The following ABCC1 variants were observed in gnomAD, a reference collection of about 807,000 sequenced individuals.
ABCC1 encodes the protein multidrug resistance-associated protein 1.
Under a neutral mutation model 172.9 loss-of-function variants are expected in ABCC1, and 83 were observed. That is an observed-to-expected ratio of 0.48 (90% confidence interval 0.40 to 0.58). The LOEUF is 0.58. Ranked by LOEUF, ABCC1 falls within the 20% of genes least tolerant of loss-of-function variation. The probability of loss-of-function intolerance (pLI) is 0.00; values close to 1 mark genes in which losing one functional copy is unlikely to be tolerated. For synonymous variants in ABCC1, 937 were observed against 825.2 expected (o/e 1.14, Z -2.32); for missense variants, 1,817 against 2,002.7 (o/e 0.91, Z 1.77).
chr16:16,089,071 A>G (rs2051132168), intron 18 of ABCC1, among the ~76,000 whole-genome samples: 1 of 152,194 alleles, frequency 6.6e-6, no homozygotes, highest in African/African-American at 2.4e-5. Flanking sequence ...TGCCATGGCA[A>G]CTGTAAGATC....
chr16:16,035,311 T>A lies in ABCC1; in HGVS notation c.678-1161T>A, dbSNP rs537593560. 4.6e-5 allele frequency among the ~76,000 whole-genome samples: 7 copies of A among 152,004 alleles called. No homozygotes were observed. In the South Asian group the frequency reaches 1.5e-3, roughly 32 times the overall value. On this transcript the variant is annotated intron_variant, in intron 6 of 30. Coordinates refer to ENST00000399410, the MANE Select transcript of ABCC1 (RefSeq NM_004996.4). ...ACTTGGGAGGGTGAGGCAGGAGAAT[T>A]GCTAGAATACAGGAGGCAGAGGTTG... is the stretch of plus-strand genomic sequence containing the variant.
intron 22 of ABCC1, among the ~76,000 whole-genome samples, chr16:16,114,492 C>T (rs904346068): frequency 6.6e-6 from 1 of 152,076 alleles, no homozygotes; most frequent in African/African-American, 2.4e-5. Context: ...AGGCGCCAAC[C>T]ACCACGCCTG....
intron 3 of ABCC1, among the ~76,000 whole-genome samples, chr16:16,010,587 G>A (rs1193447145): frequency 6.6e-6 from 1 of 152,158 alleles, no homozygotes; most frequent in African/African-American, 2.4e-5. Context: ...GCTCTGTCCC[G>A]GGGGATACAC....
chr16:15,983,744 CG>C (rs1191851654), intron 1 of ABCC1, among the ~76,000 whole-genome samples: 1 of 151,176 alleles, frequency 6.6e-6, no homozygotes, highest in Admixed American at 6.6e-5. Flanking sequence ...TTATTGGAGA[CG>C]GGGTTTCATC....
At chr16:16,046,765 ATT>A (rs59987503) in intron 9 of ABCC1, among the ~76,000 whole-genome samples, 6 of 144,974 alleles carry the variant, frequency 4.1e-5, no homozygotes, top group Admixed American at 6.9e-5. Flanking sequence ...ATCCCTATAA[ATT>A]TTTTTTTTTT....
chr16:16,140,068 C>T (rs2046072633), intron 30 of ABCC1, among the ~76,000 whole-genome samples: 1 of 152,198 alleles, frequency 6.6e-6, no homozygotes, highest in Non-Finnish European at 1.5e-5. Context: ...GCCTGCAGGC[C>T]ACAGTTTGCC....
intron 21 of ABCC1, among the ~76,000 whole-genome samples, chr16:16,110,270 G>A (rs557736299): frequency 1.6e-4 from 25 of 152,196 alleles, no homozygotes; most frequent in African/African-American, 6.0e-4. Flanking sequence ...TTTTTGTAGA[G>A]GTGAGATTTC....
intron 1 of ABCC1, among the ~76,000 whole-genome samples, chr16:15,993,151 G>A (rs45522237): frequency 0.015 from 2,278 of 152,206 alleles, 51 homozygotes; most frequent in African/African-American, 0.052. Flanking sequence ...CAGAGATATC[G>A]TTTCTGATTT....
chr16:16,141,730 C>T lies in ABCC1; in HGVS notation c.*449C>T, dbSNP rs577791765. The T allele has an allele frequency of 1.4e-4, 23 of 168,690 alleles. No homozygotes were observed. Among genetic ancestry groups the T allele is most frequent in the Non-Finnish European group, 2.5e-4 (20 of 78,726 alleles). 10.4% of individuals were successfully genotyped at this position (168,690 alleles called of 1,614,324 possible). ...TTTGAGATGCTTCTGGCTCCCATCA[C>T]CTCTAACATCCTTGTCTGGGTCTAC... On this transcript the variant is annotated 3_prime_UTR_variant, in exon 31 of 31. Coordinates refer to ENST00000399410, the MANE Select transcript of ABCC1 (RefSeq NM_004996.4).
intron 1 of ABCC1, among the ~76,000 whole-genome samples, chr16:15,974,093 C>G (rs2046430825): frequency 6.6e-6 from 1 of 152,184 alleles, no homozygotes; most frequent in Non-Finnish European, 1.5e-5. Context: ...GCCCTCTTGC[C>G]AGGCAAATCC....
chr16:16,058,754 G>A (rs192588977), intron 12 of ABCC1, among the ~76,000 whole-genome samples: 1 of 152,272 alleles, frequency 6.6e-6, no homozygotes, highest in African/African-American at 2.4e-5. Flanking sequence ...GGGTTCAAGC[G>A]ATTCTTCCAC....
chr16:16,003,249 GTTGCTGGA>G lies in ABCC1; in HGVS notation c.49-4565_49-4558del, dbSNP rs2047384815. Among the ~76,000 whole-genome samples the G allele has an allele frequency of 2.3e-5, 3 of 129,848 alleles. 1 individual carries two copies. The Admixed American group carries it at 2.4e-4, about 10-fold the overall frequency. The allele number at this position is 129,848 out of a possible 152,430, so 85.2% of individuals were successfully genotyped here. ...GGTGGATGGATGAATGAACTGGTGG[GTTGCTGGA>G]TGGGTGGATGAATTGGTAGGTGGGT... On this transcript the variant is annotated intron_variant, in intron 1 of 30. Transcript: ENST00000399410.
At position 16,029,854 on chromosome 16, in the gene ABCC1, A is replaced by G. The variant is rs560931284; in HGVS notation, c.616-3255A>G. ...AATATAGGTAGACCTTGTCTTGACAAAAAACATGTATATGTGACTGTAATA... is the reference window on the plus strand; with the variant it reads ...AATATAGGTAGACCTTGTCTTGACAGAAAACATGTATATGTGACTGTAATA... On this transcript the variant is annotated intron_variant, in intron 5 of 30. Coordinates refer to ENST00000399410, the MANE Select transcript of ABCC1 (RefSeq NM_004996.4). Among the ~76,000 whole-genome samples, 9 of 152,304 alleles carry G rather than the reference A, an allele frequency of 5.9e-5. No individual in the cohort carries two copies. In the South Asian group the frequency reaches 1.9e-3, roughly 32 times the overall value.
intron 18 of ABCC1, among the ~76,000 whole-genome samples, chr16:16,088,056 C>CTAAGTAATAA (rs1489776738): frequency 3.3e-5 from 5 of 152,030 alleles, no homozygotes; most frequent in Non-Finnish European, 7.4e-5. Flanking sequence ...CTAAGTAATA[C>CTAAGTAATAA]ATGCCCATTG....
rs55727520 is a variant in ABCC1 at position 16,035,492 on chromosome 16, A to AT, written c.678-967dup. On this transcript the variant is annotated intron_variant, in intron 6 of 30. Coordinates refer to ENST00000399410, the MANE Select transcript of ABCC1 (RefSeq NM_004996.4). Reference sequence around the variant, plus strand: ...ATTTTTTAATTTTTTCCTTCAGCCTATTTTTTTTTTTTTCTTTTTATAGGG... The same window carrying AT: ...ATTTTTTAATTTTTTCCTTCAGCCTATTTTTTTTTTTTTTCTTTTTATAGGG... Among the ~76,000 whole-genome samples, 56 of 139,008 alleles carry AT rather than the reference A, an allele frequency of 4.0e-4. 1 individual carries two copies. The highest frequency in any genetic ancestry group is 3.4e-3 in the East Asian group (16 of 4,762). The allele number at this position is 139,008 out of a possible 152,430, so 91.2% of individuals were successfully genotyped here. A position where few individuals can be genotyped will look rare whatever the true frequency, so the allele number is the denominator to read the frequency against.
intron 19 of ABCC1, among the ~76,000 whole-genome samples, chr16:16,097,617 G>A (rs959738162): frequency 6.6e-6 from 1 of 152,220 alleles, no homozygotes; most frequent in Admixed American, 6.5e-5. Flanking sequence ...GAAAATAGGA[G>A]TGGATTTCAC....
chr16:16,061,508 C>G (rs907411888), intron 12 of ABCC1, among the ~76,000 whole-genome samples: 3 of 152,134 alleles, frequency 2.0e-5, no homozygotes, highest in Non-Finnish European at 4.4e-5. Context: ...GCGAAGTGTC[C>G]CCTTGGGGGA....
At chr16:16,003,553 G>T (rs781776897) in intron 1 of ABCC1, among the ~76,000 whole-genome samples, 3,830 of 112,898 alleles carry the variant, frequency 0.034, 72 homozygotes, top group Non-Finnish European at 0.054. Context: ...ATGGATGGAT[G>T]GATGGGTGAA....
chr16:16,141,588 C>A lies in ABCC1; in HGVS notation c.*307C>A. On this transcript the variant is annotated 3_prime_UTR_variant, in exon 31 of 31. Coordinates refer to ENST00000399410, the MANE Select transcript of ABCC1 (RefSeq NM_004996.4). ...ATGCAAGTGGTTTCCTGGTGCTTCC[C>A]ACGGAGGAGTTTTGGCAGCCAGACT... 1 of 363,678 alleles carries A rather than the reference C, an allele frequency of 2.7e-6. No individual in the cohort carries two copies. Among genetic ancestry groups the A allele is most frequent in the Non-Finnish European group, 5.0e-6 (1 of 199,628 alleles). The allele number at this position is 363,678 out of a possible 1,614,324, so 22.5% of individuals were successfully genotyped here.
Sources: gnomAD v4.1 joint callset for allele counts (sites outside exome capture counted in the v4.1 genomes callset) on GRCh38, gnomAD v4.1.1 for gene constraint, MANE v1.5 for transcripts, NCBI Gene and HGNC (gene_info 2026-07-23, HGNC 2026-07-21) for gene names.